Variants in FKTN observed in about 807,000 individuals in gnomAD.
FKTN encodes ribitol-5-phosphate transferase FKTN.
A neutral mutation model predicts 58.6 loss-of-function variants in FKTN; 47 were observed. The observed-to-expected ratio is 0.80, with a 90% CI of 0.63 to 1.02. The LOEUF (loss-of-function observed/expected upper bound fraction) is 1.02, where lower values mean the gene tolerates loss of function less well. Ranked by LOEUF, FKTN falls within the 50% of genes least tolerant of loss-of-function variation. The probability of loss-of-function intolerance (pLI) is 0.00; values close to 1 mark genes in which losing one functional copy is unlikely to be tolerated. For missense variants in FKTN, 516 were observed against 537.3 expected (o/e 0.96, Z 0.39); for synonymous variants, 178 against 191.9 (o/e 0.93, Z 0.60).
rs1343186306 is a variant in FKTN at position 105,637,403 on chromosome 9, T to C, written c.*2139T>C. ...CATAGACCACTGGCTGCTGAAATAC[T>C]TTTCTTGTCTTCTGGTTTCACAGGC... On this transcript the variant is annotated 3_prime_UTR_variant, in exon 11 of 11. Transcript: ENST00000357998. The C allele has an allele frequency of 4.1e-6, 4 of 985,320 alleles. No individual in the cohort carries two copies. Among genetic ancestry groups the C allele is most frequent in the Non-Finnish European group, 4.8e-6 (4 of 829,940 alleles). 61.0% of individuals were successfully genotyped at this position (985,320 alleles called of 1,614,324 possible).
chr9:105,582,628 G>C (rs1396425438), intron 3 of FKTN, among the ~76,000 whole-genome samples: 1 of 152,100 alleles, frequency 6.6e-6, no homozygotes, highest in Non-Finnish European at 1.5e-5. Context: ...AAAAATAACA[G>C]ACTATACTGA....
chr9:105,596,715 A>G (rs1826868146), intron 4 of FKTN, 58 bp downstream of exon 4: 1 of 1,194,104 alleles, frequency 8.4e-7, no homozygotes, highest in Non-Finnish European at 1.3e-6. Context: ...TCATTCATTT[A>G]CTCCGTAAGT....
chr9:105,609,867 G>C (rs1398025938), intron 7 of FKTN, among the ~76,000 whole-genome samples: 1 of 152,128 alleles, frequency 6.6e-6, no homozygotes, highest in Non-Finnish European at 1.5e-5. Flanking sequence ...TTACCACTAT[G>C]AAGTTTCTGT....
rs144117212 is a variant in FKTN at position 105,564,736 on chromosome 9, C to A, written c.-181+6571C>A. ...TGGAAAGTACTTTGCAGGATATTATCCAGGAGAACTTCCCCAACCTAGCAA... is the reference window on the plus strand; with the variant it reads ...TGGAAAGTACTTTGCAGGATATTATACAGGAGAACTTCCCCAACCTAGCAA... On this transcript the variant is annotated intron_variant, in intron 1 of 10. Transcript: ENST00000357998. Among the ~76,000 whole-genome samples the A allele has an allele frequency of 9.0e-3, 1,378 of 152,278 alleles. 22 individuals are homozygous for A. The highest frequency in any genetic ancestry group is 0.032 in the African/African-American group (1,320 of 41,536).
At chr9:105,582,841 A>G (rs1843257027) in intron 3 of FKTN, among the ~76,000 whole-genome samples, 1 of 152,226 alleles carries the variant, frequency 6.6e-6, no homozygotes, top group African/African-American at 2.4e-5. Flanking sequence ...TTTCATAAAT[A>G]GGAATAACAA....
Position 105,640,235 on chromosome 9 carries a change from A to C in FKTN, c.*4971A>C. Reference sequence around the variant, plus strand: ...TATAGGTCCTGTGCTTAAAGGAGGCAAGTATAAATTTTCTAATAAGAAATC... The same window carrying C: ...TATAGGTCCTGTGCTTAAAGGAGGCCAGTATAAATTTTCTAATAAGAAATC... On this transcript the variant is annotated 3_prime_UTR_variant, in exon 11 of 11. Coordinates refer to ENST00000357998, the MANE Select transcript of FKTN (RefSeq NM_001079802.2). 1.4e-6 allele frequency: 2 copies of C among 1,390,904 alleles called. No homozygotes were observed. The highest frequency in any genetic ancestry group is 1.9e-6 in the Non-Finnish European group (2 of 1,060,216). 86.2% of individuals were successfully genotyped at this position (1,390,904 alleles called of 1,614,324 possible).
At chr9:105,576,941 T>G in intron 3 of FKTN, among the ~76,000 whole-genome samples, 1 of 109,976 alleles carries the variant, frequency 9.1e-6, no homozygotes, top group Admixed American at 9.9e-5. Flanking sequence ...TTTTTTCATG[T>G]GTCTTTTGGC....
rs1339721751 is a variant in FKTN, at chr9:105,563,596, GC to G, written c.-181+5432del. ...GATTGAACTGCAACGTGGCAGCGAG[GC>G]TGGGGGGGGGGGCACCCGCCATTGC... On this transcript the variant is annotated intron_variant, in intron 1 of 10. Transcript: ENST00000357998. Among the ~76,000 whole-genome samples, 3 of 125,956 alleles carry G rather than the reference GC, an allele frequency of 2.4e-5. No homozygotes were observed. The East Asian group carries it at 1.0e-3, about 43-fold the overall frequency. 82.6% of individuals were successfully genotyped at this position (125,956 alleles called of 152,430 possible).
rs918852135 is a variant in FKTN at position 105,640,222 on chromosome 9, G to A, written c.*4958G>A. On this transcript the variant is annotated 3_prime_UTR_variant, in exon 11 of 11. Transcript: ENST00000357998. The stretch of plus-strand genomic sequence containing the variant: ...GCAATACCTTTTGTATAGGTCCTGT[G>A]CTTAAAGGAGGCAAGTATAAATTTT... 3 of 1,440,730 alleles carry A rather than the reference G, an allele frequency of 2.1e-6. No homozygotes were observed. Among genetic ancestry groups the A allele is most frequent in the African/African-American group, 1.4e-5 (1 of 69,182 alleles). The allele number at this position is 1,440,730 out of a possible 1,614,324, so 89.2% of individuals were successfully genotyped here.
At chr9:105,590,997 G>T (rs1844767196) in intron 3 of FKTN, among the ~76,000 whole-genome samples, 1 of 152,060 alleles carries the variant, frequency 6.6e-6, no homozygotes, top group Admixed American at 6.6e-5. Flanking sequence ...TAAACAACCA[G>T]ATCTTAGGGG....
At chr9:105,569,864 A>C (rs1416954181) in intron 1 of FKTN, among the ~76,000 whole-genome samples, 6 of 152,080 alleles carry the variant, frequency 3.9e-5, no homozygotes, top group African/African-American at 7.2e-5. Context: ...CTATCTCTGC[A>C]ATACTTTTTC....
At chr9:105,609,512 A>G (rs940416252) in intron 7 of FKTN, among the ~76,000 whole-genome samples, 2 of 152,148 alleles carry the variant, frequency 1.3e-5, no homozygotes, top group African/African-American at 4.8e-5. Flanking sequence ...AGTTGTCCCA[A>G]TAATAACCTT....
intron 1 of FKTN, among the ~76,000 whole-genome samples, chr9:105,564,408 T>G (rs1251674307): frequency 1.3e-5 from 2 of 152,116 alleles, no homozygotes; most frequent in Non-Finnish European, 2.9e-5. Context: ...GAAAAAAGAT[T>G]AGACGAATGG....
intron 6 of FKTN, among the ~76,000 whole-genome samples, chr9:105,607,138 C>A (rs1361289125): frequency 1.3e-5 from 2 of 151,990 alleles, no homozygotes; most frequent in Non-Finnish European, 2.9e-5. Flanking sequence ...TAAAAGCTAT[C>A]TCTACATTGT....
At chr9:105,618,916 G>A (rs567077902) in intron 9 of FKTN, among the ~76,000 whole-genome samples, 5 of 152,182 alleles carry the variant, frequency 3.3e-5, no homozygotes, top group South Asian at 2.1e-4. Flanking sequence ...AAAATTAGCC[G>A]GGCGCGGTGG....
At position 105,615,452 on chromosome 9, in the gene FKTN, C is replaced by T. The variant is rs142323157; in HGVS notation, c.910+45C>T. The T allele has an allele frequency of 2.1e-3, 3,347 of 1,601,234 alleles. 40 individuals carry two copies. The highest frequency in any genetic ancestry group is 0.02 in the East Asian group (900 of 44,762). ...CCATTTGTCTTTCTGTCATTTTGTC[C>T]TCTGGCTTTAGGGATTACTGCTTGA... On this transcript the variant is annotated intron_variant, in intron 8 of 10. Transcript: ENST00000357998.
In FKTN at chr9:105,638,426, A is replaced by G; in HGVS notation, c.*3162A>G. On this transcript the variant is annotated 3_prime_UTR_variant, in exon 11 of 11. Coordinates refer to ENST00000357998, the MANE Select transcript of FKTN (RefSeq NM_001079802.2). ...AAATGCCTTCTCTCCAGACAATAAG[A>G]CAGTTCACATCTGGAGACATCAGCC... The G allele has an allele frequency of 1.0e-6, 1 of 985,404 alleles. No homozygotes were observed. Among genetic ancestry groups the G allele is most frequent in the Non-Finnish European group, 1.2e-6 (1 of 829,914 alleles). 61.0% of individuals were successfully genotyped at this position (985,404 alleles called of 1,614,324 possible).
At chr9:105,579,783 A>G (rs1295749236) in intron 3 of FKTN, among the ~76,000 whole-genome samples, 1 of 149,452 alleles carries the variant, frequency 6.7e-6, no homozygotes, top group Non-Finnish European at 1.5e-5. Context: ...GTCTCCCATT[A>G]TTAATGTGTG....
At chr9:105,609,888 A>G (rs537245671) in intron 7 of FKTN, among the ~76,000 whole-genome samples, 1 of 152,304 alleles carries the variant, frequency 6.6e-6, no homozygotes, top group Non-Finnish European at 1.5e-5. Flanking sequence ...TTTTCCCTTT[A>G]TAATAATAAG....
Sources: gnomAD v4.1 joint callset for allele counts (sites outside exome capture counted in the v4.1 genomes callset) on GRCh38, gnomAD v4.1.1 for gene constraint, MANE v1.5 for transcripts, NCBI Gene and HGNC (gene_info 2026-07-23, HGNC 2026-07-21) for gene names.